CTNND2: variants seen among roughly 807,000 people sequenced by gnomAD.
CTNND2 encodes catenin delta 2.
Under a neutral mutation model 144.4 loss-of-function variants are expected in CTNND2, and 22 were observed. The observed-to-expected ratio is 0.15, with a 90% CI of 0.11 to 0.22. The LOEUF is 0.22. Ranked by LOEUF, CTNND2 falls within the 10% of genes least tolerant of loss-of-function variation. CTNND2 has a pLI of 1.00. For synonymous variants in CTNND2, 751 were observed against 695.6 expected (o/e 1.08, Z -1.25); for missense variants, 1,353 against 1,618.8 (o/e 0.84, Z 2.82).
intron 1 of CTNND2, among the ~76,000 whole-genome samples, chr5:11,874,764 G>A (rs1480824246): frequency 1.3e-5 from 2 of 152,146 alleles, no homozygotes; most frequent in African/African-American, 2.4e-5. Context: ...GTTGACTGTG[G>A]ATAACTGAAA....
chr5:11,844,809 T>C (rs1179492420), intron 1 of CTNND2, among the ~76,000 whole-genome samples: 1 of 152,150 alleles, frequency 6.6e-6, no homozygotes, highest in Non-Finnish European at 1.5e-5. Flanking sequence ...AAATTCCATA[T>C]ATACTAAGTC....
At chr5:11,645,626 T>C (rs1248793983) in intron 2 of CTNND2, among the ~76,000 whole-genome samples, 1 of 152,208 alleles carries the variant, frequency 6.6e-6, no homozygotes, top group South Asian at 2.1e-4. Flanking sequence ...CCACTGTTAG[T>C]GCAATAATTA....
At chr5:11,715,486 G>A (rs996977833) in intron 2 of CTNND2, among the ~76,000 whole-genome samples, 8 of 152,146 alleles carry the variant, frequency 5.3e-5, no homozygotes, top group Admixed American at 5.2e-4. Context: ...AAAACCTCCT[G>A]TTAGTCAAGC....
chr5:11,112,671 A>G (rs1753120390), intron 13 of CTNND2, among the ~76,000 whole-genome samples: 1 of 152,182 alleles, frequency 6.6e-6, no homozygotes, highest in South Asian at 2.1e-4. Flanking sequence ...AAATGTTCAT[A>G]TCATTAACAG....
At chr5:11,641,620 G>GTATACATATACGTGTGTGTA (rs1782013048) in intron 2 of CTNND2, among the ~76,000 whole-genome samples, 2 of 138,032 alleles carry the variant, frequency 1.4e-5, no homozygotes, top group African/African-American at 3.1e-5. Flanking sequence ...ATACGTGTGT[G>GTATACATATACGTGTGTGTA]TATACATATA....
chr5:11,454,757 T>C (rs1320642813), intron 3 of CTNND2, among the ~76,000 whole-genome samples: 2 of 151,868 alleles, frequency 1.3e-5, no homozygotes, highest in South Asian at 2.1e-4. Flanking sequence ...CGCACCACCA[T>C]GCCCAGCTAA....
intron 20 of CTNND2, among the ~76,000 whole-genome samples, chr5:10,985,706 A>G (rs1305172405): frequency 6.6e-6 from 1 of 152,256 alleles, no homozygotes; most frequent in Non-Finnish European, 1.5e-5. Context: ...TTGAACAAGA[A>G]AAAGCATTGC....
intron 3 of CTNND2, among the ~76,000 whole-genome samples, chr5:11,448,832 CT>C (rs764694068): frequency 2.8e-4 from 43 of 151,328 alleles, no homozygotes; most frequent in Non-Finnish European, 6.0e-4. Flanking sequence ...CCAGGCCTGG[CT>C]TTTTGTGTTT....
chr5:11,020,068 TGCAGTTCATTGTG>T (rs1285404127), intron 17 of CTNND2, among the ~76,000 whole-genome samples: 2 of 152,186 alleles, frequency 1.3e-5, no homozygotes, highest in African/African-American at 2.4e-5. Flanking sequence ...CTTCAGTTGG[TGCAGTTCATTGTG>T]GCTGTCAACA....
chr5:10,979,932 A>G (rs1737008122), intron 21 of CTNND2, among the ~76,000 whole-genome samples: 1 of 152,202 alleles, frequency 6.6e-6, no homozygotes, highest in Non-Finnish European at 1.5e-5. Context: ...TAAACATACG[A>G]CCCAGGACCA....
chr5:11,818,758 A>C (rs1171082985), intron 1 of CTNND2, among the ~76,000 whole-genome samples: 2 of 152,136 alleles, frequency 1.3e-5, no homozygotes, highest in African/African-American at 4.8e-5. Context: ...TACATCAAAG[A>C]GTCTACCTAA....
chr5:11,201,952 G>A (rs761266123), intron 10 of CTNND2, among the ~76,000 whole-genome samples: 1 of 152,200 alleles, frequency 6.6e-6, no homozygotes, highest in African/African-American at 2.4e-5. Flanking sequence ...TATAGTGCTT[G>A]AGAAGGGATA....
intron 9 of CTNND2, among the ~76,000 whole-genome samples, chr5:11,291,879 T>G (rs562138313): frequency 6.6e-6 from 1 of 152,268 alleles, no homozygotes; most frequent in Non-Finnish European, 1.5e-5. Flanking sequence ...GCCACATTTC[T>G]CTTCAGATTT....
In CTNND2 at chr5:10,973,587, C is replaced by T. The variant is rs763315353; in HGVS notation, c.3544G>A (p.Ala1182Thr). The T allele has an allele frequency of 1.5e-5, 25 of 1,613,928 alleles. No individual in the cohort carries two copies. Among genetic ancestry groups the T allele is most frequent in the South Asian group, 7.7e-5 (7 of 91,074 alleles). Reference sequence around the variant, plus strand: ...CCCAGGTGCATGGTGTACTCGCTGGCGGGAGGGCGATGGTGGACCTGGTCC... The same window carrying T: ...CCCAGGTGCATGGTGTACTCGCTGGTGGGAGGGCGATGGTGGACCTGGTCC... ...FEDQVHHRPP[A>T]SEYTMHLGLK... The change falls in exon 22 of 22, where the codon GCC (alanine) becomes ACC (threonine). Residue 1182 changes from alanine (A) to threonine (T), a missense_variant. This residue lies in a region of CTNND2 where 459 missense variants were observed against 674.3 expected (regional missense o/e 0.68). Transcript: ENST00000304623. The surrounding 1 kb of genome is among the most constrained non-coding windows in gnomAD (Gnocchi z 5.6).
At chr5:11,134,025 T>C (rs765279639) in intron 12 of CTNND2, among the ~76,000 whole-genome samples, 7 of 152,030 alleles carry the variant, frequency 4.6e-5, no homozygotes, top group Non-Finnish European at 8.8e-5. Flanking sequence ...GACCTTAGGA[T>C]AGGGAAATGA....
At chr5:11,412,890 T>C (rs1561355619) in intron 3 of CTNND2, among the ~76,000 whole-genome samples, 1 of 152,178 alleles carries the variant, frequency 6.6e-6, no homozygotes, top group Non-Finnish European at 1.5e-5. Context: ...TTTTACTCTG[T>C]TCAAGCAGCT....
At chr5:11,657,417 A>ATC (rs374351670) in intron 2 of CTNND2, among the ~76,000 whole-genome samples, 263 of 152,108 alleles carry the variant, frequency 1.7e-3, no homozygotes, top group African/African-American at 6.1e-3. Context: ...GTATTTAGCT[A>ATC]TCTCTCTCTC....
At chr5:11,083,183 A>C (rs1580235068) in intron 15 of CTNND2, among the ~76,000 whole-genome samples, 2 of 152,196 alleles carry the variant, frequency 1.3e-5, no homozygotes, top group African/African-American at 4.8e-5. Flanking sequence ...GGATGTGGCC[A>C]GTGGCATTAA....
chr5:11,018,561 G>A (rs1278289982), intron 17 of CTNND2, among the ~76,000 whole-genome samples: 1 of 152,166 alleles, frequency 6.6e-6, no homozygotes, highest in African/African-American at 2.4e-5. Context: ...AAAATTAAAA[G>A]TGCTACCCCA....
Sources: allele counts gnomAD v4.1 joint callset (sites outside exome capture counted in the v4.1 genomes callset), GRCh38; gene constraint gnomAD v4.1.1; regional missense constraint gnomAD v4.1.1; non-coding constraint Gnocchi (gnomAD v3.1); transcripts MANE v1.5; gene names NCBI Gene and HGNC (gene_info 2026-07-23, HGNC 2026-07-21).